The following ARID1B variants were observed in gnomAD, a reference collection of about 807,000 sequenced individuals.
The protein encoded by ARID1B is AT-rich interaction domain 1B.
In ARID1B, 30 loss-of-function variants were observed where a neutral mutation model predicts 212.3. The observed-to-expected ratio is 0.14, with a 90% CI of 0.11 to 0.19. The LOEUF (loss-of-function observed/expected upper bound fraction) is 0.19. Among genes scored for constraint, ARID1B ranks in the 10% least tolerant of loss-of-function variants. The pLI, the probability that ARID1B is intolerant of heterozygous loss-of-function variation, is 1.00. For synonymous variants in ARID1B, 1,402 were observed against 1,301.7 expected (o/e 1.08, Z -1.66); for missense variants, 2,891 against 3,204.0 (o/e 0.90, Z 2.36).
At chr6:157,149,002 T>C (rs1278310619) in intron 8 of ARID1B, 51 bp downstream of exon 8, 1 of 1,533,330 alleles carries the variant, frequency 6.5e-7, no homozygotes, top group South Asian at 1.2e-5. Context: ...TGTCTACCCG[T>C]GACCACGTGA....
At chr6:157,069,898 T>C (rs953481940) in intron 4 of ARID1B, among the ~76,000 whole-genome samples, 1 of 152,206 alleles carries the variant, frequency 6.6e-6, no homozygotes, top group Non-Finnish European at 1.5e-5. Context: ...TCCTAGCCTA[T>C]ACGAATAACG....
intron 1 of ARID1B, among the ~76,000 whole-genome samples, chr6:156,821,157 A>C (rs1211280263): frequency 6.6e-6 from 1 of 152,222 alleles, no homozygotes; most frequent in African/African-American, 2.4e-5. Flanking sequence ...GAAATAAGCG[A>C]AATGCAAACA....
At chr6:157,102,145 A>G (rs1165994880) in intron 5 of ARID1B, among the ~76,000 whole-genome samples, 1 of 152,194 alleles carries the variant, frequency 6.6e-6, no homozygotes, top group Non-Finnish European at 1.5e-5. Flanking sequence ...TACTGTAGTA[A>G]TGTAGAAAGG....
intron 4 of ARID1B, among the ~76,000 whole-genome samples, chr6:157,027,456 A>G (rs1780733311): frequency 6.6e-6 from 1 of 152,222 alleles, no homozygotes; most frequent in Non-Finnish European, 1.5e-5. Context: ...TGGTAGAAGT[A>G]TTTTAGGATA....
chr6:156,919,601 TGGA>T, intron 3 of ARID1B, among the ~76,000 whole-genome samples: 1 of 152,310 alleles, frequency 6.6e-6, no homozygotes, highest in East Asian at 1.9e-4. Flanking sequence ...AACTGAAATG[TGGA>T]GGAGATCACA....
intron 8 of ARID1B, among the ~76,000 whole-genome samples, chr6:157,163,232 C>T (rs1051079694): frequency 2.0e-5 from 3 of 152,114 alleles, no homozygotes; most frequent in Non-Finnish European, 1.5e-5. Flanking sequence ...GAGGTCGCCT[C>T]GAAACCCAGG....
At chr6:157,178,958 G>A (rs563804686) in intron 11 of ARID1B, among the ~76,000 whole-genome samples, 23 of 152,314 alleles carry the variant, frequency 1.5e-4, no homozygotes, top group African/African-American at 5.5e-4. Context: ...TATTGGTTGA[G>A]CTAATTGGAG....
chr6:157,192,465 C>T (rs1435017895), intron 15 of ARID1B, among the ~76,000 whole-genome samples: 2 of 152,174 alleles, frequency 1.3e-5, no homozygotes. Context: ...ATACTTCTCA[C>T]CTTACAGTGG....
intron 4 of ARID1B, among the ~76,000 whole-genome samples, chr6:157,007,886 C>T (rs1435825424): frequency 6.6e-6 from 1 of 152,108 alleles, no homozygotes; most frequent in Admixed American, 6.5e-5. Flanking sequence ...CCGTGTTAGC[C>T]AGGATGGTCT....
chr6:157,100,605 T>G (rs940305268), intron 5 of ARID1B, among the ~76,000 whole-genome samples: 2 of 152,230 alleles, frequency 1.3e-5, no homozygotes, highest in Non-Finnish European at 2.9e-5. Flanking sequence ...CTAGGACATT[T>G]GTTGAATGTA....
chr6:156,912,799 T>A (rs1163087518), intron 3 of ARID1B, among the ~76,000 whole-genome samples: 2 of 152,166 alleles, frequency 1.3e-5, no homozygotes, highest in Non-Finnish European at 2.9e-5. Flanking sequence ...AAGTTCTTGG[T>A]TTTTCCCCAC....
intron 4 of ARID1B, among the ~76,000 whole-genome samples, chr6:157,076,623 GT>G (rs778052482): frequency 1.3e-5 from 2 of 150,946 alleles, no homozygotes; most frequent in African/African-American, 4.8e-5. Context: ...GTTGTTGTGG[GT>G]TTTTTTTTAC....
chr6:156,858,396 GA>G (rs1785094993), intron 2 of ARID1B, among the ~76,000 whole-genome samples: 1 of 152,160 alleles, frequency 6.6e-6, no homozygotes, highest in Non-Finnish European at 1.5e-5. Flanking sequence ...CTAACACAAA[GA>G]AATGACAAAT....
intron 4 of ARID1B, among the ~76,000 whole-genome samples, chr6:157,040,600 T>G (rs1781824075): frequency 6.6e-6 from 1 of 152,224 alleles, no homozygotes; most frequent in African/African-American, 2.4e-5. Context: ...GAAAATGAGT[T>G]AAATACACTG....
chr6:156,793,846 GTAATAA>G (rs1392085382), intron 1 of ARID1B, among the ~76,000 whole-genome samples: 6 of 152,334 alleles, frequency 3.9e-5, no homozygotes, highest in South Asian at 4.1e-4. Context: ...AATAGTAATA[GTAATAA>G]TGACTACCAT....
At chr6:157,056,178 C>G (rs79131741) in intron 4 of ARID1B, among the ~76,000 whole-genome samples, 3,072 of 152,222 alleles carry the variant, frequency 0.02, 112 homozygotes, top group African/African-American at 0.07. Flanking sequence ...TATGTAGGGT[C>G]TGTATACCAG....
At chr6:157,170,641 T>A (rs1383121294) in intron 9 of ARID1B, among the ~76,000 whole-genome samples, 1 of 152,214 alleles carries the variant, frequency 6.6e-6, no homozygotes, top group Non-Finnish European at 1.5e-5. Context: ...GGGGAGCTGG[T>A]TTCCTTGGAA....
Position 157,175,726 on chromosome 6 carries a change from T to G in ARID1B, c.3504+721T>G, listed in dbSNP as rs1792053530. 2.0e-5 allele frequency: 3 copies of G among 152,206 alleles called. No homozygotes were observed. In the East Asian group the frequency reaches 5.8e-4, roughly 29 times the overall value. 9.4% of individuals were successfully genotyped at this position (152,206 alleles called of 1,614,324 possible). On this transcript the variant is annotated intron_variant, in intron 11 of 19. Coordinates refer to ENST00000636930, the MANE Select transcript of ARID1B (RefSeq NM_001374828.1). ...ATGTCACGGATGTATCAGGGAATTT[T>G]GTAAGCCTCAATGTTCTTCTGACCC...
At chr6:156,795,122 A>AGCAGCCGTGACCTAGTCG (rs1367074005) in intron 1 of ARID1B, among the ~76,000 whole-genome samples, 1 of 152,150 alleles carries the variant, frequency 6.6e-6, no homozygotes, top group African/African-American at 2.4e-5. Context: ...TGAACTAGTC[A>AGCAGCCGTGACCTAGTCG]GCAGCCATTT....
Sources: gnomAD v4.1 joint callset for allele counts (sites outside exome capture counted in the v4.1 genomes callset) on GRCh38, gnomAD v4.1.1 for gene constraint, MANE v1.5 for transcripts, NCBI Gene and HGNC (gene_info 2026-07-23, HGNC 2026-07-21) for gene names.